The following NCKAP5 variants were observed in gnomAD, a reference collection of about 807,000 sequenced individuals.
NCKAP5 encodes the protein nck-associated protein 5.
A neutral mutation model predicts 167.0 loss-of-function variants in NCKAP5; 92 were observed. That is an observed-to-expected ratio of 0.55 (90% CI 0.47 to 0.66). The LOEUF (loss-of-function observed/expected upper bound fraction) is 0.66. Among genes scored for constraint, NCKAP5 ranks in the 30% least tolerant of loss-of-function variants. The pLI is 0.00. For synonymous variants in NCKAP5, 891 were observed against 877.4 expected (o/e 1.02, Z -0.27); for missense variants, 2,378 against 2,315.0 (o/e 1.03, Z -0.56).
At chr2:133,347,819 C>T (rs1684080640) in intron 3 of NCKAP5, among the ~76,000 whole-genome samples, 1 of 152,210 alleles carries the variant, frequency 6.6e-6, no homozygotes, top group African/African-American at 2.4e-5. Flanking sequence ...GCTGGGCCCA[C>T]AGCATGCACA....
At chr2:133,269,753 G>C (rs1473648562) in intron 4 of NCKAP5, among the ~76,000 whole-genome samples, 1 of 152,192 alleles carries the variant, frequency 6.6e-6, no homozygotes, top group Admixed American at 6.5e-5. Flanking sequence ...CTCCCATGTT[G>C]AGAATTAATT....
At chr2:133,231,187 G>C (rs544611524) in intron 4 of NCKAP5, among the ~76,000 whole-genome samples, 17 of 152,270 alleles carry the variant, frequency 1.1e-4, no homozygotes, top group Non-Finnish European at 2.4e-4. Flanking sequence ...AAGAGGTTGA[G>C]TATTTTATTG....
chr2:133,180,410 C>T lies in NCKAP5; in HGVS notation c.207+33306G>A, dbSNP rs183993128. On this transcript the variant is annotated intron_variant, in intron 5 of 19. Transcript: ENST00000409261. ...AGTACAGTGGCATGATCTAGGCTCA[C>T]GGCAGCCTCGAACTCCCCAGGCTCA... Among the ~76,000 whole-genome samples, 440 of 152,080 alleles carry T rather than the reference C, an allele frequency of 2.9e-3. 2 individuals carry two copies. The highest frequency in any genetic ancestry group is 9.9e-3 in the African/African-American group (412 of 41,492).
intron 3 of NCKAP5, among the ~76,000 whole-genome samples, chr2:133,383,456 G>A (rs1217412450): frequency 1.3e-5 from 2 of 152,122 alleles, no homozygotes; most frequent in South Asian, 2.1e-4. Flanking sequence ...TCTTAATCCA[G>A]TCTATCATTG....
chr2:133,208,643 T>A (rs1574385000), intron 5 of NCKAP5, among the ~76,000 whole-genome samples: 1 of 152,174 alleles, frequency 6.6e-6, no homozygotes, highest in East Asian at 1.9e-4. Context: ...AAAAGGACAC[T>A]ACAGAAATCT....
chr2:133,454,832 C>T (rs1369344127), intron 3 of NCKAP5, among the ~76,000 whole-genome samples: 2 of 151,884 alleles, frequency 1.3e-5, no homozygotes, highest in African/African-American at 4.8e-5. Context: ...TCTGCAGAAC[C>T]CAAGATATTC....
chr2:133,259,666 G>A (rs1013798927), intron 4 of NCKAP5, among the ~76,000 whole-genome samples: 57 of 152,178 alleles, frequency 3.7e-4, no homozygotes, highest in Non-Finnish European at 6.9e-4. Context: ...ATACAAAGTC[G>A]TGGTGTGCAC....
chr2:132,700,930 C>CGGGGG (rs67190492), intron 19 of NCKAP5, among the ~76,000 whole-genome samples: 18 of 113,202 alleles, frequency 1.6e-4, no homozygotes, highest in African/African-American at 6.4e-4. Context: ...ATCCCCTGGG[C>CGGGGG]GGGGGGGGGG....
rs536576077 is a variant in NCKAP5 at position 133,156,305 on chromosome 2, C to G, written c.208-26194G>C. Among the ~76,000 whole-genome samples, 5 of 152,226 alleles carry G rather than the reference C, an allele frequency of 3.3e-5. No homozygotes were observed. The East Asian group carries it at 9.6e-4, about 29-fold the overall frequency. ...CAGGAACCCAGACGCATAAGCTCAG[C>G]GTCAGTTTTTCACCTCTTGTAATTG... On this transcript the variant is annotated intron_variant, in intron 5 of 19. Coordinates refer to ENST00000409261, the MANE Select transcript of NCKAP5 (RefSeq NM_207363.3).
At chr2:132,900,093 C>T (rs1693502746) in intron 8 of NCKAP5, among the ~76,000 whole-genome samples, 1 of 152,096 alleles carries the variant, frequency 6.6e-6, no homozygotes, top group African/African-American at 2.4e-5. Flanking sequence ...CAACAGGTAC[C>T]ATGTGCACCT....
At chr2:132,955,338 C>A (rs1381505491) in intron 8 of NCKAP5, among the ~76,000 whole-genome samples, 2 of 152,136 alleles carry the variant, frequency 1.3e-5, no homozygotes, top group Admixed American at 6.5e-5. Context: ...GGCTTCAAAG[C>A]TTGTGGCACT....
intron 4 of NCKAP5, among the ~76,000 whole-genome samples, chr2:133,215,615 A>G (rs1467097558): frequency 6.6e-6 from 1 of 152,236 alleles, no homozygotes; most frequent in African/African-American, 2.4e-5. Flanking sequence ...GCACAGTTAC[A>G]TGATGGAATA....
intron 3 of NCKAP5, among the ~76,000 whole-genome samples, chr2:133,497,648 C>T (rs909771864): frequency 1.3e-5 from 2 of 152,232 alleles, no homozygotes; most frequent in Non-Finnish European, 2.9e-5. Context: ...CAGAAAGCTG[C>T]TTCAAACAGA....
chr2:133,373,060 T>C (rs1031829637), intron 3 of NCKAP5, among the ~76,000 whole-genome samples: 1 of 152,166 alleles, frequency 6.6e-6, no homozygotes, highest in African/African-American at 2.4e-5. Context: ...AATATATGTA[T>C]CTTTTTTTGG....
At chr2:132,713,567 G>C (rs918349498) in intron 19 of NCKAP5, among the ~76,000 whole-genome samples, 2 of 152,106 alleles carry the variant, frequency 1.3e-5, no homozygotes, top group Non-Finnish European at 2.9e-5. Flanking sequence ...TCCAGGTTTT[G>C]CCTAAAATAT....
chr2:133,320,210 T>C (rs537080121), intron 3 of NCKAP5, among the ~76,000 whole-genome samples: 2 of 152,332 alleles, frequency 1.3e-5, no homozygotes, highest in South Asian at 2.1e-4. Flanking sequence ...TCATTTAATA[T>C]TTATCAGACT....
chr2:133,640,400 G>C, the NCKAP5 span, among the ~76,000 whole-genome samples: 1 of 152,174 alleles, frequency 6.6e-6, no homozygotes, highest in Non-Finnish European at 1.5e-5. Flanking sequence ...TTACCCAAGT[G>C]GGATTCAAAA....
chr2:132,845,642 C>G (rs1383146411), intron 11 of NCKAP5, among the ~76,000 whole-genome samples: 1 of 152,094 alleles, frequency 6.6e-6, no homozygotes, highest in African/African-American at 2.4e-5. Context: ...TCTTCTTGGT[C>G]CAAACCCATA....
intron 8 of NCKAP5, among the ~76,000 whole-genome samples, chr2:132,879,751 T>C (rs1691605605): frequency 2.0e-5 from 3 of 152,230 alleles, no homozygotes; most frequent in African/African-American, 7.2e-5. Context: ...GCCCCTTCTC[T>C]AAAATCCTCC....
Sources: allele counts gnomAD v4.1 joint callset (sites outside exome capture counted in the v4.1 genomes callset), GRCh38; gene constraint gnomAD v4.1.1; transcripts MANE v1.5; gene names NCBI Gene and HGNC (gene_info 2026-07-23, HGNC 2026-07-21).